The following SIPA1L3 variants were observed in gnomAD, a reference collection of about 807,000 sequenced individuals.
The protein encoded by SIPA1L3 is signal induced proliferation associated 1 like 3, also known as signal-induced proliferation-associated 1-like protein 3.
A neutral mutation model predicts 150.1 loss-of-function variants in SIPA1L3; 59 were observed. That is an observed-to-expected ratio of 0.39 (90% CI 0.32 to 0.49). SIPA1L3 has a LOEUF of 0.49. Among genes scored for constraint, SIPA1L3 ranks in the 20% least tolerant of loss-of-function variants. SIPA1L3 has a pLI of 0.86. For missense variants in SIPA1L3, 2,211 were observed against 2,489.5 expected (o/e 0.89, Z 2.38); for synonymous variants, 1,070 against 1,077.6 (o/e 0.99, Z 0.14).
chr19:38,012,089 C>CTTT (rs59957165), intron 1 of SIPA1L3, among the ~76,000 whole-genome samples: 1 of 140,616 alleles, frequency 7.1e-6, no homozygotes, highest in Admixed American at 7.1e-5. Flanking sequence ...TGGGCTGTGT[C>CTTT]TTTTTTTTTT....
chr19:38,173,608 G>A (rs1972375781), intron 15 of SIPA1L3: 2 of 152,296 alleles, frequency 1.3e-5, no homozygotes, highest in Admixed American at 1.3e-4. Context: ...GAAGCACGTG[G>A]CCTTGCTTCC....
chr19:38,193,426 G>C (rs1466167842), intron 17 of SIPA1L3, 111 bp from the exon 18 acceptor site: 4 of 1,259,030 alleles, frequency 3.2e-6, no homozygotes. Flanking sequence ...AGAAATGGAT[G>C]CTGGGTAGGT....
At chr19:37,980,497 G>A (rs984626247) in intron 1 of SIPA1L3, among the ~76,000 whole-genome samples, 6 of 152,152 alleles carry the variant, frequency 3.9e-5, no homozygotes, top group Middle Eastern at 3.2e-3. Flanking sequence ...ATCTTAGGGT[G>A]GGGGAAGCAT....
At chr19:38,198,167 C>T (rs1270703937) in intron 18 of SIPA1L3, among the ~76,000 whole-genome samples, 1 of 152,222 alleles carries the variant, frequency 6.6e-6, no homozygotes, top group Non-Finnish European at 1.5e-5. Context: ...GCACTCCCTC[C>T]TCCCCTTCAG....
chr19:37,922,644 C>T (rs1380438351), intron 1 of SIPA1L3, among the ~76,000 whole-genome samples: 2 of 151,538 alleles, frequency 1.3e-5, no homozygotes, highest in African/African-American at 2.4e-5. Context: ...CAGCCTGCCT[C>T]GGCCTCCCAG....
At chr19:37,916,710 A>G (rs2046417960) in intron 1 of SIPA1L3, among the ~76,000 whole-genome samples, 2 of 152,126 alleles carry the variant, frequency 1.3e-5, no homozygotes, top group African/African-American at 4.8e-5. Context: ...CTGTAATCCC[A>G]GCACTTTGGG....
At chr19:38,143,329 G>C (rs1040748303) in intron 12 of SIPA1L3, among the ~76,000 whole-genome samples, 3 of 152,080 alleles carry the variant, frequency 2.0e-5, no homozygotes, top group African/African-American at 7.2e-5. Context: ...ATCAATCCTA[G>C]TCCTTGGGCC....
intron 1 of SIPA1L3, among the ~76,000 whole-genome samples, chr19:38,025,977 G>T (rs937326917): frequency 5.6e-4 from 85 of 152,320 alleles, no homozygotes; most frequent in African/African-American, 1.9e-3. Flanking sequence ...GCCTGGTAGG[G>T]AGCTATGGGA....
Position 38,026,810 on chromosome 19 carries a change from C to T in SIPA1L3, c.-378-2279C>T, listed in dbSNP as rs75039683. Among the ~76,000 whole-genome samples, 147 of 152,284 alleles carry T rather than the reference C, an allele frequency of 9.7e-4. 3 individuals are homozygous for T. The Middle Eastern group carries it at 0.017, about 18-fold the overall frequency. ...TTCGCTACCCTGTAACTGAAATTAACATTTTTTTATGCACAGGGCAATAAA... is the reference window on the plus strand; with the variant it reads ...TTCGCTACCCTGTAACTGAAATTAATATTTTTTTATGCACAGGGCAATAAA... On this transcript the variant is annotated intron_variant, in intron 1 of 21. Transcript: ENST00000222345.
chr19:37,934,263 T>G (rs1401706859), intron 1 of SIPA1L3, among the ~76,000 whole-genome samples: 1 of 152,204 alleles, frequency 6.6e-6, no homozygotes, highest in Non-Finnish European at 1.5e-5. Flanking sequence ...GCTGATGGAC[T>G]TCGCGCCGCT....
chr19:38,065,780 A>T (rs1024796530), intron 2 of SIPA1L3, among the ~76,000 whole-genome samples: 5 of 152,092 alleles, frequency 3.3e-5, no homozygotes, highest in African/African-American at 1.2e-4. Flanking sequence ...AGCTGTGTTC[A>T]TTCCCTTGGG....
At chr19:37,956,492 T>TC (rs1261232926) in intron 1 of SIPA1L3, among the ~76,000 whole-genome samples, 1 of 149,156 alleles carries the variant, frequency 6.7e-6, no homozygotes, top group Non-Finnish European at 1.5e-5. Flanking sequence ...GTTTTGTTTT[T>TC]TTTTTTTTTT....
chr19:37,982,600 AGGGGCAGCCTCTACCGTC>A (rs1967229588), intron 1 of SIPA1L3, among the ~76,000 whole-genome samples: 1 of 152,200 alleles, frequency 6.6e-6, no homozygotes, highest in Non-Finnish European at 1.5e-5. Context: ...AAAGCTAGTT[AGGGGCAGCCTCTACCGTC>A]TGGATCAAAG....
intron 9 of SIPA1L3, among the ~76,000 whole-genome samples, chr19:38,120,782 T>C (rs1970997210): frequency 6.6e-6 from 1 of 152,244 alleles, no homozygotes; most frequent in African/African-American, 2.4e-5. Flanking sequence ...GCCTGAAGCA[T>C]TGTGCTGAGA....
chr19:38,080,615 AT>A (rs375495520), intron 2 of SIPA1L3, among the ~76,000 whole-genome samples: 2,316 of 149,622 alleles, frequency 0.015, 44 homozygotes, highest in African/African-American at 0.052. Flanking sequence ...TGTTACTGTG[AT>A]TTTTTTTTTT....
chr19:38,119,906 G>C (rs765390829), intron 9 of SIPA1L3, 24 bp downstream of exon 9: 88 of 1,547,354 alleles, frequency 5.7e-5, no homozygotes, highest in Non-Finnish European at 7.5e-5. Flanking sequence ...CCCGGCGATA[G>C]GGCGGCGATT....
At position 38,119,755 on chromosome 19, in the gene SIPA1L3, G is replaced by A. The variant is rs1365546541; in HGVS notation, c.2741G>A (p.Gly914Glu). 1.9e-6 allele frequency: 3 copies of A among 1,613,926 alleles called. No individual in the cohort carries two copies. In the Admixed American group the frequency reaches 5.0e-5, roughly 27 times the overall value. Reference sequence around the variant, plus strand: ...GAGGTGGTGTTCAACTGCTACTGCGGGGATGTCATTGGCTGGACTCCAGAC... The same window carrying A: ...GAGGTGGTGTTCAACTGCTACTGCGAGGATGTCATTGGCTGGACTCCAGAC... ...TKEVVFNCYC[G>E]DVIGWTPDSS... Residue 914 changes from glycine to glutamate, a missense_variant, in exon 9 of 22, where the codon GGG becomes GAG. Gly to Glu is a moderately conservative substitution (Grantham distance 98). Around this residue, in one of 5 missense-constraint regions of SIPA1L3, gnomAD observed 625 missense variants for 804.2 expected, o/e 0.78. Transcript: ENST00000222345.
chr19:38,167,425 A>G (rs1972234764), intron 15 of SIPA1L3, among the ~76,000 whole-genome samples: 1 of 152,116 alleles, frequency 6.6e-6, no homozygotes, highest in Admixed American at 6.6e-5. Context: ...TAGTGTCAGC[A>G]CTTCCCCGGG....
chr19:38,082,716 T>C lies in SIPA1L3; in HGVS notation c.1151T>C (p.Leu384Pro), dbSNP rs1369978590. Residue 384 changes from leucine to proline, a missense_variant, in exon 3 of 22, where the codon CTC becomes CCC. Physicochemically the swap from Leu to Pro is moderately conservative, Grantham distance 98. This residue lies in a region of SIPA1L3 where 587 missense variants were observed against 534.5 expected (regional missense o/e 1.10). Coordinates refer to ENST00000222345, the MANE Select transcript of SIPA1L3 (RefSeq NM_015073.3). ...TCCGCCGCCTCGGCCATGGCCTCCC[T>C]CACGGCCTCGCGGGCCCACAGCCTC... ...AASAASAMAS[L>P]TASRAHSLGG... 18 of 1,611,180 alleles carry C rather than the reference T, an allele frequency of 1.1e-5. No individual in the cohort carries two copies. Among genetic ancestry groups the C allele is most frequent in the Non-Finnish European group, 1.5e-5 (18 of 1,179,206 alleles).
Sources: allele counts gnomAD v4.1 joint callset (sites outside exome capture counted in the v4.1 genomes callset), GRCh38; gene constraint gnomAD v4.1.1; regional missense constraint gnomAD v4.1.1; transcripts MANE v1.5; gene names NCBI Gene and HGNC (gene_info 2026-07-23, HGNC 2026-07-21).